Variants in GADL1 observed in about 807,000 individuals in gnomAD.
The protein encoded by GADL1 is GAD like acidic amino acid decarboxylase 1.
A neutral mutation model predicts 69.5 loss-of-function variants in GADL1; 71 were observed. The ratio of observed to expected loss-of-function variants is 1.02; its 90% CI spans 0.84 to 1.25. GADL1 has a LOEUF of 1.25. Ranked by LOEUF, GADL1 falls within the 50% of genes most tolerant of loss-of-function variation. The pLI is 0.00. For synonymous variants in GADL1, 254 were observed against 214.4 expected, an observed-to-expected ratio of 1.18 and a Z score of -1.62; for missense variants, 737 against 631.8, an observed-to-expected ratio of 1.17 and a Z score of -1.79.
At chr3:30,885,270 C>A (rs1008473310) in intron 1 of GADL1, among the ~76,000 whole-genome samples, 6 of 151,798 alleles carry the variant, frequency 4.0e-5, no homozygotes, top group African/African-American at 1.5e-4. Flanking sequence ...TTTTTTTCTT[C>A]TGTCTTATCT....
At chr3:30,765,140 G>A (rs1489856179) in intron 14 of GADL1, among the ~76,000 whole-genome samples, 1 of 151,952 alleles carries the variant, frequency 6.6e-6, no homozygotes, top group Non-Finnish European at 1.5e-5. Flanking sequence ...TTCCCTCAAA[G>A]GCAACATTAG....
chr3:30,770,880 T>C (rs1030426659), intron 14 of GADL1, among the ~76,000 whole-genome samples: 2 of 152,232 alleles, frequency 1.3e-5, no homozygotes, highest in African/African-American at 4.8e-5. Flanking sequence ...TCTGTACTTA[T>C]CTGGCTTTTC....
At chr3:30,756,649 A>G (rs919239077) in intron 14 of GADL1, among the ~76,000 whole-genome samples, 3 of 152,116 alleles carry the variant, frequency 2.0e-5, no homozygotes, top group South Asian at 2.1e-4. Context: ...TCGGAACACT[A>G]CCACTGGCAG....
chr3:30,850,021 C>T lies in GADL1; in HGVS notation c.626G>A (p.Arg209Lys). Reference protein sequence around the residue: ...IKEKGLSGSPRLILFTSAECH... With the variant: ...IKEKGLSGSPKLILFTSAECH... Reference sequence around the variant, plus strand: ...CTCTGCAGATGTGAAAAGGATTAATCTTGGCGAACCAGACAGCCCCTTTTC... The same window carrying T: ...CTCTGCAGATGTGAAAAGGATTAATTTTGGCGAACCAGACAGCCCCTTTTC... Residue 209 changes from arginine to lysine, a missense_variant, in exon 6 of 15, where the codon AGA becomes AAA. Physicochemically the swap from Arg to Lys is conservative, Grantham distance 26. Coordinates refer to ENST00000282538, the MANE Select transcript of GADL1 (RefSeq NM_207359.3). 2 of 1,605,096 alleles carry T rather than the reference C, an allele frequency of 1.2e-6. No homozygotes were observed. The highest frequency in any genetic ancestry group is 1.7e-6 in the Non-Finnish European group (2 of 1,172,148).
At chr3:30,832,916 A>G (rs376498275) in intron 11 of GADL1, among the ~76,000 whole-genome samples, 1 of 122,670 alleles carries the variant, frequency 8.2e-6, no homozygotes, top group Non-Finnish European at 1.5e-5. Context: ...TTTCTGATGG[A>G]CAGTCTGATC....
In GADL1 at chr3:30,879,290, G is replaced by T. The variant is rs537702852; in HGVS notation, c.37+15288C>A. Among the ~76,000 whole-genome samples the T allele has an allele frequency of 4.6e-5, 7 of 151,924 alleles. No homozygotes were observed. In the South Asian group the frequency reaches 1.2e-3, roughly 27 times the overall value. ...TGGGCTTATGCCCCATCCTTCCTTG[G>T]CTCCCCAGTAGAGAAAATGCATCCC... On this transcript the variant is annotated intron_variant, in intron 1 of 14. Coordinates refer to ENST00000282538, the MANE Select transcript of GADL1 (RefSeq NM_207359.3).
At chr3:30,886,978 T>C (rs1276083760) in intron 1 of GADL1, among the ~76,000 whole-genome samples, 8 of 152,342 alleles carry the variant, frequency 5.3e-5, no homozygotes, top group South Asian at 2.1e-4. Context: ...TCATCTCATG[T>C]CATCTTCACC....
At chr3:30,804,697 T>C (rs912223121) in intron 11 of GADL1, among the ~76,000 whole-genome samples, 1 of 152,220 alleles carries the variant, frequency 6.6e-6, no homozygotes, top group African/African-American at 2.4e-5. Context: ...TGGCTATGAA[T>C]CCCTACTTGT....
intron 14 of GADL1, among the ~76,000 whole-genome samples, chr3:30,774,920 A>G (rs1696498295): frequency 6.6e-6 from 1 of 152,164 alleles, no homozygotes; most frequent in African/African-American, 2.4e-5. Context: ...GCTTGACGGT[A>G]AAGAAAATAA....
intron 11 of GADL1, among the ~76,000 whole-genome samples, chr3:30,803,609 T>G (rs1697200449): frequency 6.6e-6 from 1 of 152,116 alleles, no homozygotes; most frequent in Non-Finnish European, 1.5e-5. Flanking sequence ...AGAAAGCAAA[T>G]AGCAGAATAA....
At chr3:30,855,602 T>C (rs1366269468) in intron 3 of GADL1, among the ~76,000 whole-genome samples, 3 of 151,708 alleles carry the variant, frequency 2.0e-5, no homozygotes, top group Non-Finnish European at 4.4e-5. Flanking sequence ...TTGTTCCAAT[T>C]TTAATTTTTT....
chr3:30,785,368 C>T (rs1345900826), intron 13 of GADL1, among the ~76,000 whole-genome samples: 2 of 143,162 alleles, frequency 1.4e-5, no homozygotes, highest in African/African-American at 2.8e-5. Flanking sequence ...ACCAAAAAAG[C>T]TAGATTTCTT....
chr3:30,746,144 A>C (rs1356367518), intron 14 of GADL1, among the ~76,000 whole-genome samples: 1 of 151,984 alleles, frequency 6.6e-6, no homozygotes, highest in African/African-American at 2.4e-5. Flanking sequence ...GTGTGCCACC[A>C]TGCCTGGCTA....
chr3:30,741,027 T>TTA (rs1461146406), intron 14 of GADL1, among the ~76,000 whole-genome samples: 1 of 134,290 alleles, frequency 7.4e-6, no homozygotes, highest in East Asian at 2.1e-4. Context: ...ATATAATATA[T>TTA]TATATAATAT....
intron 13 of GADL1, among the ~76,000 whole-genome samples, chr3:30,786,117 G>A (rs1696783697): frequency 6.6e-6 from 1 of 152,076 alleles, no homozygotes; most frequent in Non-Finnish European, 1.5e-5. Context: ...ATTATCCTTG[G>A]TAATTATTAT....
intron 14 of GADL1, among the ~76,000 whole-genome samples, chr3:30,760,975 AAT>A (rs1696113257): frequency 6.6e-6 from 1 of 150,436 alleles, no homozygotes; most frequent in African/African-American, 2.4e-5. Context: ...ATGGCTAATA[AAT>A]ATTTACCTAG....
intron 14 of GADL1, among the ~76,000 whole-genome samples, chr3:30,753,349 C>T (rs1026118184): frequency 3.3e-5 from 5 of 152,088 alleles, no homozygotes; most frequent in Admixed American, 3.3e-4. Context: ...ATTCTAGTTT[C>T]AAATATGTCT....
At chr3:30,766,089 A>G (rs1386782230) in intron 14 of GADL1, among the ~76,000 whole-genome samples, 1 of 152,166 alleles carries the variant, frequency 6.6e-6, no homozygotes, top group African/African-American at 2.4e-5. Context: ...TGGTTAAATG[A>G]TATTGGTTAA....
chr3:30,750,564 T>C lies in GADL1; in HGVS notation c.1393-22149A>G, dbSNP rs567647351. Among the ~76,000 whole-genome samples, 9 of 152,212 alleles carry C rather than the reference T, an allele frequency of 5.9e-5. No individual in the cohort carries two copies. In the East Asian group the frequency reaches 7.7e-4, roughly 13 times the overall value. ...ACACTAGCTGTGGAAAGAGTACCAG[T>C]TGATGTTTCCAGTGTAATGAAATGA... On this transcript the variant is annotated intron_variant, in intron 14 of 14. Coordinates refer to ENST00000282538, the MANE Select transcript of GADL1 (RefSeq NM_207359.3).
Sources: gnomAD v4.1 joint callset for allele counts (sites outside exome capture counted in the v4.1 genomes callset) on GRCh38, gnomAD v4.1.1 for gene constraint, MANE v1.5 for transcripts, NCBI Gene and HGNC (gene_info 2026-07-23, HGNC 2026-07-21) for gene names.